The following AMOTL1 variants were observed in gnomAD, a reference collection of about 807,000 sequenced individuals.
AMOTL1 encodes the protein angiomotin-like protein 1.
A neutral mutation model predicts 102.9 loss-of-function variants in AMOTL1; 45 were observed. The ratio of observed to expected loss-of-function variants is 0.44; its 90% confidence interval spans 0.34 to 0.56. The LOEUF (loss-of-function observed/expected upper bound fraction) is 0.56. Ranked by LOEUF, AMOTL1 falls within the 20% of genes least tolerant of loss-of-function variation. AMOTL1 has a pLI of 0.01. For synonymous variants in AMOTL1, 481 were observed against 484.7 expected (o/e 0.99, Z 0.10); for missense variants, 1,114 against 1,225.6 (o/e 0.91, Z 1.36).
intron 1 of AMOTL1, among the ~76,000 whole-genome samples, chr11:94,713,997 G>A (rs1026499834): frequency 4.6e-5 from 7 of 151,948 alleles, no homozygotes; most frequent in African/African-American, 1.4e-4. Flanking sequence ...AGTCTTTCAC[G>A]ATTAAATATG....
chr11:94,812,359 A>G (rs1207189499), intron 3 of AMOTL1, among the ~76,000 whole-genome samples: 1 of 152,172 alleles, frequency 6.6e-6, no homozygotes, highest in Non-Finnish European at 1.5e-5. Flanking sequence ...GGGCTTCCAC[A>G]TTATGGGTAG....
chr11:94,790,994 TGCC>T (rs1951276172), intron 1 of AMOTL1, among the ~76,000 whole-genome samples: 1 of 152,216 alleles, frequency 6.6e-6, no homozygotes, highest in East Asian at 1.9e-4. Context: ...CCGTTGTTAT[TGCC>T]ACTCTTGAGT....
chr11:94,706,906 C>A lies in AMOTL1; in HGVS notation c.-51+309C>A, dbSNP rs533362604. Among the ~76,000 whole-genome samples the A allele has an allele frequency of 3.3e-5, 5 of 152,226 alleles. No homozygotes were observed. In the South Asian group the frequency reaches 8.3e-4, roughly 25 times the overall value. The stretch of plus-strand genomic sequence containing the variant: ...TTAGTGAAGCAACTGTAAGTGGACT[C>A]CTTTGGGCTAGGGCCATCCATACCT... On this transcript the variant is annotated intron_variant, in intron 1 of 4. Transcript: ENST00000299004.
At chr11:94,829,906 C>T (rs1489258276) in intron 4 of AMOTL1, 144 bp from the exon 5 acceptor site, 1 of 746,294 alleles carries the variant, frequency 1.3e-6, no homozygotes, top group Non-Finnish European at 2.1e-6. Flanking sequence ...ATCGATTATA[C>T]AGTTTGGTAC....
At chr11:94,767,727 C>T (rs1248183340), upstream of AMOTL1, among the ~76,000 whole-genome samples, 1 of 151,868 alleles carries the variant, frequency 6.6e-6, no homozygotes, top group African/African-American at 2.4e-5. Flanking sequence ...GCAACATTTT[C>T]CCAGAGTCGC....
In AMOTL1 at chr11:94,800,114, T is replaced by C. The variant is rs769653338; in HGVS notation, c.924T>C (p.Gly308=). Residue 308 remains glycine (G), a synonymous_variant, in exon 3 of 13, where the codon GGT becomes GGC. Transcript: ENST00000433060. ...CAGGTAAAGTGCTGGACCCTCGGGG[T>C]CCTCCACCTGAGTACCCCTTCAAGA... ...QPAGKVLDPR[G]PPPEYPFKTK... The C allele has an allele frequency of 1.2e-5, 20 of 1,613,180 alleles. No individual in the cohort carries two copies. Among genetic ancestry groups the C allele is most frequent in the Non-Finnish European group, 1.6e-5 (19 of 1,179,730 alleles).
At chr11:94,721,494 G>A (rs924585866) in intron 1 of AMOTL1, among the ~76,000 whole-genome samples, 2 of 151,964 alleles carry the variant, frequency 1.3e-5, no homozygotes, top group South Asian at 2.1e-4. Context: ...CCTTTGGGAG[G>A]TGAATAAATT....
chr11:94,808,320 T>G (rs1403104725), intron 3 of AMOTL1, among the ~76,000 whole-genome samples: 1 of 152,224 alleles, frequency 6.6e-6, no homozygotes, highest in African/African-American at 2.4e-5. Context: ...AGTTGAATAC[T>G]TGAGAAATGT....
intron 1 of AMOTL1, among the ~76,000 whole-genome samples, chr11:94,720,710 T>G (rs12223099): frequency 0.087 from 13,309 of 152,160 alleles, 729 homozygotes; most frequent in East Asian, 0.25. Context: ...GGGCATCTGA[T>G]TAGCCCGTCA....
chr11:94,754,239 T>G (rs1375542960), intron 3 of AMOTL1, among the ~76,000 whole-genome samples: 1 of 151,788 alleles, frequency 6.6e-6, no homozygotes, highest in Non-Finnish European at 1.5e-5. Flanking sequence ...GTCATGGAGG[T>G]CAAGGAGAGG....
At chr11:94,826,736 A>G (rs564934629) in intron 4 of AMOTL1, among the ~76,000 whole-genome samples, 1 of 152,196 alleles carries the variant, frequency 6.6e-6, no homozygotes, top group Admixed American at 6.5e-5. Context: ...CCACCTCCCA[A>G]TGTCACCACA....
chr11:94,807,661 G>A (rs1267426122), intron 3 of AMOTL1, among the ~76,000 whole-genome samples: 8 of 152,048 alleles, frequency 5.3e-5, no homozygotes, highest in Admixed American at 5.2e-4. Context: ...TTTTACAAAG[G>A]CAAAAGCCTA....
intron 1 of AMOTL1, among the ~76,000 whole-genome samples, chr11:94,725,544 G>T (rs1310126925): frequency 6.6e-6 from 1 of 152,122 alleles, no homozygotes; most frequent in South Asian, 2.1e-4. Context: ...ACTCTCAAGT[G>T]CATAACTATG....
intron 4 of AMOTL1, among the ~76,000 whole-genome samples, chr11:94,827,802 G>A (rs978093218): frequency 6.6e-6 from 1 of 152,148 alleles, no homozygotes; most frequent in African/African-American, 2.4e-5. Flanking sequence ...CCATATCCTG[G>A]CTCCTCTGTA....
chr11:94,771,747 A>AG lies in AMOTL1; in HGVS notation c.49+3190dup, dbSNP rs534024746. On this transcript the variant is annotated intron_variant, in intron 1 of 12. Transcript: ENST00000433060. ...TCACGGCCAGGCCTTGTGTAACCTT[A>AG]GGGTATATTCATTTTGGACACTCAG... is the stretch of plus-strand genomic sequence containing the variant. Among the ~76,000 whole-genome samples the AG allele has an allele frequency of 5.3e-3, 813 of 152,202 alleles. 11 individuals carry two copies. Among genetic ancestry groups the AG allele is most frequent in the African/African-American group, 0.019 (772 of 41,522 alleles).
In AMOTL1 at chr11:94,799,488, C is replaced by A; in HGVS notation, c.298C>A (p.Gln100Lys). Residue 100 changes from glutamine (Q) to lysine (K), a missense_variant, in exon 3 of 13, where the codon CAG becomes AAG. Transcript: ENST00000433060. The surrounding 1 kb of genome is among the most constrained non-coding windows in gnomAD (Gnocchi z 4.5). ...GGATGCGGCAGCTGGAACAGTATTGCAGCGGCTGATCCAGGAACAACTGCG... is the reference window on the plus strand; with the variant it reads ...GGATGCGGCAGCTGGAACAGTATTGAAGCGGCTGATCCAGGAACAACTGCG... ...SEDAAAGTVL[Q>K]RLIQEQLRYG... 6.2e-7 allele frequency: 1 copy of A among 1,612,254 alleles called. No homozygotes were observed. The highest frequency in any genetic ancestry group is 8.5e-7 in the Non-Finnish European group (1 of 1,179,212).
chr11:94,824,232 C>A (rs1287028617), intron 4 of AMOTL1, among the ~76,000 whole-genome samples: 1 of 152,120 alleles, frequency 6.6e-6, no homozygotes, highest in Non-Finnish European at 1.5e-5. Context: ...ATAAATTGTT[C>A]TACAAGTACA....
Position 94,768,384 on chromosome 11 carries a change from G to C in AMOTL1, c.-128G>C, listed in dbSNP as rs1479531157. The C allele has an allele frequency of 6.7e-7, 1 of 1,500,206 alleles. No homozygotes were observed. The highest frequency in any genetic ancestry group is 2.5e-5 in the East Asian group (1 of 39,526). 92.9% of individuals were successfully genotyped at this position (1,500,206 alleles called of 1,614,324 possible). A position where few individuals can be genotyped will look rare whatever the true frequency, so the allele number is the denominator to read the frequency against. ...GCGCGAGAAGCTCTAGGACCCAGCA[G>C]CGGTTGTCGGGTTTGGGGCTGGAGG... is the stretch of plus-strand genomic sequence containing the variant. On this transcript the variant is annotated 5_prime_UTR_variant, in exon 1 of 13. Coordinates refer to ENST00000433060, the MANE Select transcript of AMOTL1 (RefSeq NM_130847.3).
At chr11:94,768,025 A>G (rs1262468197), upstream of AMOTL1, among the ~76,000 whole-genome samples, 1 of 152,234 alleles carries the variant, frequency 6.6e-6, no homozygotes, top group African/African-American at 2.4e-5. Context: ...CAGATCCGGA[A>G]ACAGAATTTT....
Sources: gnomAD v4.1 joint callset for allele counts (sites outside exome capture counted in the v4.1 genomes callset) on GRCh38, gnomAD v4.1.1 for gene constraint, Gnocchi (gnomAD v3.1) non-coding constraint, MANE v1.5 for transcripts, NCBI Gene and HGNC (gene_info 2026-07-23, HGNC 2026-07-21) for gene names.